The following FAM3B variants were observed in gnomAD, a reference collection of about 807,000 sequenced individuals.
FAM3B encodes the protein FAM3 metabolism regulating signaling molecule B.
FAM3B carries 29 observed loss-of-function variants against 28.4 expected under a neutral mutation model. That is an observed-to-expected ratio of 1.02 (90% CI 0.76 to 1.39). The LOEUF (loss-of-function observed/expected upper bound fraction) is 1.39. Among genes scored for constraint, FAM3B ranks in the 40% most tolerant of loss-of-function variants. FAM3B has a pLI of 0.00. For synonymous variants in FAM3B, 91 were observed against 103.0 expected (o/e 0.88, Z 0.71); for missense variants, 266 against 293.9 (o/e 0.91, Z 0.69).
chr21:41,336,461 G>A (rs530297090), intron 2 of FAM3B, among the ~76,000 whole-genome samples: 1 of 152,204 alleles, frequency 6.6e-6, no homozygotes, highest in Non-Finnish European at 1.5e-5. Flanking sequence ...GGCGGAGGTT[G>A]CAGTGAGCTG....
intron 3 of FAM3B, among the ~76,000 whole-genome samples, chr21:41,338,968 T>C (rs2088980421): frequency 6.6e-6 from 1 of 152,214 alleles, no homozygotes; most frequent in South Asian, 2.1e-4. Flanking sequence ...ACTTTGAATA[T>C]GTGGCAAAGT....
intron 1 of FAM3B, chr21:41,319,496 T>C (rs1279274978): frequency 1.3e-5 from 2 of 152,342 alleles, no homozygotes; most frequent in Non-Finnish European, 2.9e-5. Context: ...TCAGAAGTGT[T>C]CCTGGACTCT....
At chr21:41,325,967 G>A (rs1044311348) in intron 2 of FAM3B, among the ~76,000 whole-genome samples, 5 of 152,200 alleles carry the variant, frequency 3.3e-5, no homozygotes. Flanking sequence ...TTCTCAGACT[G>A]AAACTGATAG....
At position 41,326,791 on chromosome 21, in the gene FAM3B, G is replaced by A. The variant is rs564886165; in HGVS notation, c.163+3725G>A. Among the ~76,000 whole-genome samples the A allele has an allele frequency of 6.6e-6, 1 of 152,330 alleles. No homozygotes were observed. Among genetic ancestry groups the A allele is most frequent in the South Asian group, 2.1e-4 (1 of 4,816 alleles). On this transcript the variant is annotated intron_variant, in intron 2 of 7. Coordinates refer to ENST00000357985, the MANE Select transcript of FAM3B (RefSeq NM_058186.4). The surrounding 1 kb of genome is among the most constrained non-coding windows in gnomAD (Gnocchi z 4.0). ...CCTGTGTAGTAGGCCTGTGTACCCT[G>A]AGCCCCAGCCCCTGAGGCAGGAGGA...
At chr21:41,344,407 C>A in intron 3 of FAM3B, 69 bp from the exon 4 acceptor site, 2 of 1,453,966 alleles carry the variant, frequency 1.4e-6, no homozygotes, top group African/African-American at 1.4e-5. Flanking sequence ...TTTGGTCAGG[C>A]GAAGACTTCG....
At chr21:41,307,658 T>C (rs781132562) in intron 1 of FAM3B, among the ~76,000 whole-genome samples, 3 of 152,158 alleles carry the variant, frequency 2.0e-5, no homozygotes, top group Non-Finnish European at 4.4e-5. Flanking sequence ...TAATTCAATA[T>C]TGTTGTATCT....
chr21:41,333,342 T>C (rs939389486), intron 2 of FAM3B, among the ~76,000 whole-genome samples: 1 of 152,196 alleles, frequency 6.6e-6, no homozygotes, highest in Non-Finnish European at 1.5e-5. Flanking sequence ...TGAAATGTGA[T>C]TGGATCATGG....
chr21:41,323,078 G>A lies in FAM3B; in HGVS notation c.163+12G>A. ...GCCTGTCCTCAAAGGTGAGTGCCGT[G>A]CTTGGGGCAGACGGCTGCCTTCATG... is the stretch of plus-strand genomic sequence containing the variant. On this transcript the variant is annotated intron_variant, in intron 2 of 7. Transcript: ENST00000357985. The A allele has an allele frequency of 1.2e-6, 2 of 1,601,206 alleles. No individual in the cohort carries two copies. Among genetic ancestry groups the A allele is most frequent in the South Asian group, 2.2e-5 (2 of 91,038 alleles).
At chr21:41,352,653 G>A (rs909679329) in intron 7 of FAM3B, among the ~76,000 whole-genome samples, 4 of 152,160 alleles carry the variant, frequency 2.6e-5, no homozygotes, top group Admixed American at 2.6e-4. Context: ...AATTAGCCAG[G>A]CATGGTGGCG....
intron 7 of FAM3B, among the ~76,000 whole-genome samples, 185 bp from the exon 8 acceptor site, chr21:41,356,923 T>C (rs1167834203): frequency 1.3e-5 from 2 of 152,126 alleles, no homozygotes; most frequent in East Asian, 1.9e-4. Flanking sequence ...ACTCCAAAAA[T>C]ATGTACATCT....
intron 1 of FAM3B, 30 bp from the exon 2 acceptor site, chr21:41,322,893 C>G (rs200330255): frequency 1.2e-6 from 2 of 1,614,212 alleles, no homozygotes; most frequent in East Asian, 4.5e-5. Context: ...CCAAGTCGTT[C>G]ACAGCAGCTG....
Position 41,357,110 on chromosome 21 carries a change from C to G in FAM3B, c.621C>G (p.Ile207Met). The G allele has an allele frequency of 1.9e-6, 3 of 1,610,540 alleles. No individual in the cohort carries two copies. Among genetic ancestry groups the G allele is most frequent in the Non-Finnish European group, 2.5e-6 (3 of 1,178,012 alleles). Residue 207 changes from isoleucine to methionine, a missense_variant and splice_region_variant, in exon 8 of 8, where the codon ATC becomes ATG. By Grantham distance (10) the Ile-to-Met change is conservative. Transcript: ENST00000357985. ...ELPSEIQREK[I>M]NHSDAKNNRY... ...AAACTCTTCTTTTCTCTACACAGAT[C>G]AACCACTCTGATGCTAAGAACAACA...
chr21:41,322,994 C>A lies in FAM3B; in HGVS notation c.91C>A (p.Leu31Ile), dbSNP rs138471782. Residue 31 changes from leucine (L) to isoleucine (I), a missense_variant, in exon 2 of 8, where the codon CTC (leucine) becomes ATC (isoleucine). Coordinates refer to ENST00000357985, the MANE Select transcript of FAM3B (RefSeq NM_058186.4). ...GTATTCGGGGTACCTGCTCGCAGAG[C>A]TCATTCCAGATGCACCCCTGTCCAG... The part of the protein sequence containing the change: ...AWYSGYLLAE[L>I]IPDAPLSSAA... The A allele has an allele frequency of 2.0e-4, 327 of 1,611,624 alleles. No individual in the cohort carries two copies. Among genetic ancestry groups the A allele is most frequent in the Non-Finnish European group, 2.6e-4 (303 of 1,180,002 alleles).
At chr21:41,350,072 C>CA (rs1474765582) in intron 7 of FAM3B, among the ~76,000 whole-genome samples, 1 of 152,206 alleles carries the variant, frequency 6.6e-6, no homozygotes, top group Non-Finnish European at 1.5e-5. Context: ...ACACTGAGGG[C>CA]AAGCTGAACC....
At chr21:41,321,313 G>A (rs780829603) in intron 1 of FAM3B, among the ~76,000 whole-genome samples, 4 of 152,182 alleles carry the variant, frequency 2.6e-5, no homozygotes, top group East Asian at 3.8e-4. Flanking sequence ...CTGTGTGGGC[G>A]CTGTGGCTGG....
upstream of FAM3B, among the ~76,000 whole-genome samples, chr21:41,314,035 G>T (rs1209348813): frequency 6.6e-6 from 1 of 152,174 alleles, no homozygotes; most frequent in Non-Finnish European, 1.5e-5. Context: ...ATAGGTTGAA[G>T]CCCTAATCTT....
At chr21:41,308,542 T>C (rs867603389) in intron 1 of FAM3B, among the ~76,000 whole-genome samples, 4,373 of 146,348 alleles carry the variant, frequency 0.03, 203 homozygotes, top group African/African-American at 0.1. Flanking sequence ...TTTCTTTTTT[T>C]TTTTTTTTTT....
At chr21:41,342,737 A>G (rs2089019275) in intron 3 of FAM3B, among the ~76,000 whole-genome samples, 1 of 152,228 alleles carries the variant, frequency 6.6e-6, no homozygotes, top group Non-Finnish European at 1.5e-5. Context: ...TTTATCAACC[A>G]TGTTTTTGAA....
chr21:41,314,955 AAGC>A (rs2088737143), upstream of FAM3B, among the ~76,000 whole-genome samples: 1 of 152,152 alleles, frequency 6.6e-6, no homozygotes, highest in South Asian at 2.1e-4. Flanking sequence ...AAAGAATTGA[AAGC>A]AGGATCCAGA....
Sources: gnomAD v4.1 joint callset for allele counts (sites outside exome capture counted in the v4.1 genomes callset) on GRCh38, gnomAD v4.1.1 for gene constraint, Gnocchi (gnomAD v3.1) non-coding constraint, MANE v1.5 for transcripts, NCBI Gene and HGNC (gene_info 2026-07-23, HGNC 2026-07-21) for gene names.